S100PBP: variants seen among roughly 807,000 people sequenced by gnomAD.
S100PBP encodes S100P binding protein, also known as S100P-binding protein.
Under a neutral mutation model 39.9 loss-of-function variants are expected in S100PBP, and 15 were observed. That is an observed-to-expected ratio of 0.38 (90% CI 0.25 to 0.58). The LOEUF (loss-of-function observed/expected upper bound fraction) is 0.58, where lower values mean the gene tolerates loss of function less well. Among genes scored for constraint, S100PBP ranks in the 20% least tolerant of loss-of-function variants. The pLI, the probability that S100PBP is intolerant of heterozygous loss-of-function variation, is 0.70. For missense variants in S100PBP, 504 were observed against 487.3 expected (o/e 1.03, Z -0.32); for synonymous variants, 178 against 180.3 (o/e 0.99, Z 0.10).
At chr1:32,818,400 C>G (rs1293586714) in intron 1 of S100PBP, 1 of 152,422 alleles carries the variant, frequency 6.6e-6, no homozygotes, top group African/African-American at 2.4e-5. Context: ...GCGGCGTCAC[C>G]AGTTACTTCC....
chr1:32,829,932 G>A, intron 4 of S100PBP, 32 bp from the exon 5 acceptor site: 1 of 1,493,588 alleles, frequency 6.7e-7, no homozygotes, highest in Non-Finnish European at 9.3e-7. Context: ...CTAATGGGCT[G>A]TTTTTCTTTT....
At chr1:32,817,591 T>A (rs953105825), upstream of S100PBP, 2 of 457,838 alleles carry the variant, frequency 4.4e-6, no homozygotes, top group Admixed American at 3.4e-5. Flanking sequence ...TTGGCCCGGC[T>A]GACTCGGGGT....
In S100PBP at chr1:32,826,164, C is replaced by A; in HGVS notation, c.65C>A (p.Ala22Asp). 6.2e-7 allele frequency: 1 copy of A among 1,614,042 alleles called. No individual in the cohort carries two copies. The highest frequency in any genetic ancestry group is 8.5e-7 in the Non-Finnish European group (1 of 1,179,982). Residue 22 changes from alanine (A) to aspartate (D), a missense_variant, in exon 3 of 7, where the codon GCC (alanine) becomes GAC (aspartate). Ala to Asp is a moderately radical substitution (Grantham distance 126, BLOSUM62 -2). Transcript: ENST00000373475. Reference protein sequence around the residue: ...SGTSLLPKDGAPFSWDSLDED... With the variant: ...SGTSLLPKDGDPFSWDSLDED... ...ACCTCTCTCTTGCCTAAAGACGGTGCCCCATTTTCTTGGGATTCCTTGGAT... is the reference window on the plus strand; with the variant it reads ...ACCTCTCTCTTGCCTAAAGACGGTGACCCATTTTCTTGGGATTCCTTGGAT...
At chr1:32,822,095 C>T (rs1220648924) in intron 1 of S100PBP, among the ~76,000 whole-genome samples, 3 of 151,922 alleles carry the variant, frequency 2.0e-5, no homozygotes, top group Non-Finnish European at 2.9e-5. Context: ...AATTGGAAAT[C>T]TGAACTGTAT....
rs752714080 is a variant in S100PBP, at chr1:32,826,289, G to A, written c.190G>A (p.Glu64Lys). ...GGAAGAGATTGATGCACTGTTGAAG[G>A]AAGATGACCCATCATATGAGCAGTC... The part of the protein sequence containing the change: ...TEEEIDALLK[E>K]DDPSYEQSSG... The change falls in exon 3 of 7, where the codon GAA (glutamate) becomes AAA (lysine). Residue 64 changes from glutamate (E) to lysine (K), a missense_variant. Transcript: ENST00000373475. The A allele has an allele frequency of 3.0e-5, 48 of 1,614,034 alleles. No homozygotes were observed. Among genetic ancestry groups the A allele is most frequent in the Non-Finnish European group, 3.6e-5 (43 of 1,180,018 alleles).
chr1:32,837,994 T>C (rs1639908282), intron 5 of S100PBP, among the ~76,000 whole-genome samples: 1 of 151,978 alleles, frequency 6.6e-6, no homozygotes, highest in Non-Finnish European at 1.5e-5. Flanking sequence ...TTTTCTTAAG[T>C]AAATATCTAG....
chr1:32,827,049 C>A, intron 3 of S100PBP, 119 bp downstream of exon 3: 1 of 663,744 alleles, frequency 1.5e-6, no homozygotes, highest in Non-Finnish European at 2.5e-6. Flanking sequence ...CTGTGGGCAT[C>A]CTACACCACA....
intron 6 of S100PBP, among the ~76,000 whole-genome samples, chr1:32,853,403 G>A (rs963598376): frequency 3.3e-5 from 5 of 151,406 alleles, no homozygotes; most frequent in Non-Finnish European, 5.9e-5. Context: ...ATCTGGTGGC[G>A]AAGGTTGCAG....
Position 32,824,165 on chromosome 1 carries a change from C to T in S100PBP, c.-119-1148C>T, listed in dbSNP as rs1469774813. On this transcript the variant is annotated intron_variant, in intron 1 of 6. Transcript: ENST00000373475. ...GTGAGCCAAGATCGCAAGATCGTGC[C>T]ACTGCACTCTAGCCTGGGCAACAGA... 2.7e-5 allele frequency among the ~76,000 whole-genome samples: 4 copies of T among 149,934 alleles called. No homozygotes were observed. The South Asian group carries it at 8.4e-4, about 31-fold the overall frequency.
chr1:32,827,562 C>T (rs949633130), intron 3 of S100PBP, among the ~76,000 whole-genome samples: 6 of 152,122 alleles, frequency 3.9e-5, no homozygotes, highest in Non-Finnish European at 8.8e-5. Context: ...CGGCTCACTG[C>T]AACTCCCGCC....
chr1:32,817,097 C>T, upstream of S100PBP: 1 of 1,532,944 alleles, frequency 6.5e-7, no homozygotes, highest in Non-Finnish European at 9.0e-7. Flanking sequence ...GTCCCCGGCC[C>T]CACATACTTA....
intron 1 of S100PBP, among the ~76,000 whole-genome samples, chr1:32,820,388 C>T (rs191022972): frequency 1.3e-5 from 2 of 152,162 alleles, no homozygotes; most frequent in Admixed American, 6.6e-5. Flanking sequence ...TCAGGTGATC[C>T]ACCCACCTCA....
intron 5 of S100PBP, among the ~76,000 whole-genome samples, chr1:32,851,114 A>C (rs1465187750): frequency 6.6e-6 from 1 of 152,168 alleles, no homozygotes; most frequent in Non-Finnish European, 1.5e-5. Context: ...TCACAGAGCT[A>C]ATTGATGGAT....
Position 32,858,477 on chromosome 1 carries a change from A to T in S100PBP, c.*2439A>T, listed in dbSNP as rs1001126339. The T allele has an allele frequency of 6.5e-6, 1 of 152,680 alleles. No homozygotes were observed. The highest frequency in any genetic ancestry group is 1.5e-5 in the Non-Finnish European group (1 of 68,050). The allele number at this position is 152,680 out of a possible 1,614,324, so 9.5% of individuals were successfully genotyped here. A position where few individuals can be genotyped will look rare whatever the true frequency, so the allele number is the denominator to read the frequency against. On this transcript the variant is annotated 3_prime_UTR_variant, in exon 7 of 7. Coordinates refer to ENST00000373475, the MANE Select transcript of S100PBP (RefSeq NM_022753.4). ...ACTCATTATCTGGCATGTTCGCCTT[A>T]AAGATGGTACTGGGTAGAATCTGGA...
At chr1:32,837,184 T>A (rs1639867018) in intron 5 of S100PBP, 1 of 149,992 alleles carries the variant, frequency 6.7e-6, no homozygotes, top group Non-Finnish European at 1.5e-5. Context: ...AAAAAGAAAT[T>A]TGAAGACATT....
At chr1:32,835,746 ATATTTT>A (rs1167695485) in intron 5 of S100PBP, 1 of 151,914 alleles carries the variant, frequency 6.6e-6, no homozygotes, top group Non-Finnish European at 1.5e-5. Flanking sequence ...TCCTTTTTAA[ATATTTT>A]TATTTTTATT....
intron 5 of S100PBP, among the ~76,000 whole-genome samples, chr1:32,831,129 A>G (rs72880589): frequency 0.014 from 2,160 of 152,224 alleles, 47 homozygotes; most frequent in African/African-American, 0.048. Flanking sequence ...TCATTCAGCA[A>G]ACTTTCTCGA....
intron 6 of S100PBP, among the ~76,000 whole-genome samples, chr1:32,855,498 T>C (rs1640782756): frequency 6.6e-6 from 1 of 152,200 alleles, no homozygotes; most frequent in East Asian, 1.9e-4. Context: ...TGCTGTGTCC[T>C]GAGCAACCTT....
chr1:32,821,888 C>T (rs369183245), intron 1 of S100PBP, among the ~76,000 whole-genome samples: 6 of 152,280 alleles, frequency 3.9e-5, no homozygotes, highest in African/African-American at 7.2e-5. Context: ...ATCCGCCCAA[C>T]TTAGCCTCCG....
Sources: allele counts gnomAD v4.1 joint callset (sites outside exome capture counted in the v4.1 genomes callset), GRCh38; gene constraint gnomAD v4.1.1; transcripts MANE v1.5; gene names NCBI Gene and HGNC (gene_info 2026-07-23, HGNC 2026-07-21).